SNTG1: variants seen among roughly 807,000 people sequenced by gnomAD.
SNTG1 encodes the protein syntrophin gamma 1.
In SNTG1, 39 loss-of-function variants were observed where a neutral mutation model predicts 74.7. The ratio of observed to expected loss-of-function variants is 0.52; its 90% confidence interval spans 0.40 to 0.68. The LOEUF is 0.68. SNTG1 is among the 30% of genes least tolerant of loss of function. SNTG1 has a pLI of 0.00. For synonymous variants in SNTG1, 254 were observed against 217.1 expected (o/e 1.17, Z -1.49); for missense variants, 685 against 609.5 (o/e 1.12, Z -1.30).
At chr8:50,561,749 A>G (rs1210390269) in intron 12 of SNTG1, among the ~76,000 whole-genome samples, 1 of 152,208 alleles carries the variant, frequency 6.6e-6, no homozygotes, top group Non-Finnish European at 1.5e-5. Flanking sequence ...AGAAAATAAA[A>G]TTCATGCTCA....
intron 2 of SNTG1, among the ~76,000 whole-genome samples, chr8:50,275,430 TC>T (rs1383485654): frequency 6.6e-6 from 1 of 152,202 alleles, no homozygotes; most frequent in Non-Finnish European, 1.5e-5. Context: ...TTTCTTTTCC[TC>T]TTCTAGCATA....
At chr8:50,402,426 ATG>A in intron 4 of SNTG1, 82 bp downstream of exon 4, 3 of 1,469,770 alleles carry the variant, frequency 2.0e-6, no homozygotes, top group East Asian at 4.7e-5. Context: ...CATTTTAAAT[ATG>A]TTTTTCTTTC....
intron 2 of SNTG1, among the ~76,000 whole-genome samples, chr8:50,280,535 G>A (rs529780284): frequency 3.3e-5 from 5 of 152,172 alleles, no homozygotes; most frequent in African/African-American, 9.7e-5. Flanking sequence ...GGTTTTGTAT[G>A]TTTTAGGGAG....
intron 15 of SNTG1, among the ~76,000 whole-genome samples, chr8:50,693,492 G>A (rs1177175419): frequency 6.6e-6 from 1 of 152,074 alleles, no homozygotes; most frequent in East Asian, 1.9e-4. Flanking sequence ...CAATATTAAA[G>A]GACCTGAAAA....
intron 2 of SNTG1, among the ~76,000 whole-genome samples, chr8:50,389,171 CATAA>C (rs1271578657): frequency 2.1e-4 from 32 of 152,232 alleles, no homozygotes; most frequent in African/African-American, 7.0e-4. Flanking sequence ...CTGGAGTAGA[CATAA>C]GTAATTTTGA....
chr8:50,042,517 C>A (rs1401094042), intron 1 of SNTG1, among the ~76,000 whole-genome samples: 1 of 152,074 alleles, frequency 6.6e-6, no homozygotes, highest in African/African-American at 2.4e-5. Context: ...ACCATGATAG[C>A]ATCATTGCTT....
chr8:50,033,175 G>C (rs1817877288), intron 1 of SNTG1, among the ~76,000 whole-genome samples: 1 of 151,678 alleles, frequency 6.6e-6, no homozygotes, highest in African/African-American at 2.4e-5. Flanking sequence ...GAGTGCAATG[G>C]TGCAATGGCA....
chr8:50,074,488 A>C (rs1440236323), intron 1 of SNTG1, among the ~76,000 whole-genome samples: 1 of 152,212 alleles, frequency 6.6e-6, no homozygotes, highest in Non-Finnish European at 1.5e-5. Flanking sequence ...AGGTCCGAGT[A>C]GAGTGAGAGA....
chr8:50,567,451 G>C (rs1025617253), intron 12 of SNTG1, among the ~76,000 whole-genome samples: 1 of 151,806 alleles, frequency 6.6e-6, no homozygotes, highest in Admixed American at 6.6e-5. Context: ...GATATATTTT[G>C]TTACTTTGAA....
chr8:50,371,067 C>T (rs1302318695), intron 2 of SNTG1, among the ~76,000 whole-genome samples: 4 of 152,102 alleles, frequency 2.6e-5, no homozygotes, highest in Admixed American at 6.6e-5. Context: ...CCTTTGGAGG[C>T]TTCTATAGGT....
At chr8:50,680,541 G>C (rs904766941) in intron 15 of SNTG1, among the ~76,000 whole-genome samples, 11 of 152,060 alleles carry the variant, frequency 7.2e-5, no homozygotes, top group African/African-American at 2.4e-4. Context: ...TTTTCTGCTT[G>C]GAGAGGTTTT....
intron 2 of SNTG1, among the ~76,000 whole-genome samples, chr8:50,309,014 C>T (rs1481420600): frequency 6.6e-6 from 1 of 151,974 alleles, no homozygotes; most frequent in Non-Finnish European, 1.5e-5. Flanking sequence ...TGATAGAACA[C>T]AAATGTGTCT....
intron 10 of SNTG1, among the ~76,000 whole-genome samples, chr8:50,531,070 T>G (rs1245960629): frequency 6.6e-6 from 1 of 152,222 alleles, no homozygotes. Flanking sequence ...TGATTCATCC[T>G]GCAATTTGAA....
intron 1 of SNTG1, among the ~76,000 whole-genome samples, chr8:50,081,533 C>T (rs1274192882): frequency 6.6e-6 from 1 of 152,152 alleles, no homozygotes; most frequent in African/African-American, 2.4e-5. Context: ...TCCTCTTCTT[C>T]CTGTGGTGTC....
chr8:50,112,358 CCTT>C (rs578045945), intron 1 of SNTG1, among the ~76,000 whole-genome samples: 33 of 151,926 alleles, frequency 2.2e-4, no homozygotes, highest in South Asian at 1.7e-3. Context: ...ATAAAGATAA[CCTT>C]CTGATTTGAA....
chr8:50,696,404 T>TC (rs2095405428), intron 15 of SNTG1, among the ~76,000 whole-genome samples: 1 of 152,056 alleles, frequency 6.6e-6, no homozygotes, highest in South Asian at 2.1e-4. Flanking sequence ...AATATTTTTT[T>TC]CTCATTCTTA....
At chr8:50,258,540 G>T (rs977673334) in intron 2 of SNTG1, among the ~76,000 whole-genome samples, 2 of 151,966 alleles carry the variant, frequency 1.3e-5, no homozygotes, top group Admixed American at 6.6e-5. Context: ...TTAAAAGATG[G>T]TATGATGATA....
chr8:50,241,410 G>GA (rs1231592945), intron 2 of SNTG1, among the ~76,000 whole-genome samples: 5 of 152,114 alleles, frequency 3.3e-5, no homozygotes, highest in Admixed American at 6.5e-5. Context: ...GTAAATGGAA[G>GA]AAAAACAATA....
intron 1 of SNTG1, among the ~76,000 whole-genome samples, chr8:50,114,548 G>A (rs1324369920): frequency 2.0e-5 from 3 of 152,106 alleles, no homozygotes; most frequent in Admixed American, 6.6e-5. Context: ...GGAAATGTTG[G>A]CCAAAGGGTA....
Sources: gnomAD v4.1 joint callset for allele counts (sites outside exome capture counted in the v4.1 genomes callset) on GRCh38, gnomAD v4.1.1 for gene constraint, MANE v1.5 for transcripts, NCBI Gene and HGNC (gene_info 2026-07-23, HGNC 2026-07-21) for gene names.